ZNF790: variants seen among roughly 807,000 people sequenced by gnomAD.
ZNF790 encodes zinc finger protein 790.
A neutral mutation model predicts 12.1 loss-of-function variants in ZNF790; 8 were observed. The observed-to-expected ratio is 0.66, with a 90% confidence interval of 0.39 to 1.19. The LOEUF is 1.19. ZNF790 is among the 50% of genes most tolerant of loss of function. The pLI, the probability that ZNF790 is intolerant of heterozygous loss-of-function variation, is 0.01. For missense variants in ZNF790, 707 were observed against 752.2 expected, an observed-to-expected ratio of 0.94 and a Z score of 0.70; for synonymous variants, 252 against 244.3, an observed-to-expected ratio of 1.03 and a Z score of -0.29.
chr19:36,819,940 TC>T lies in ZNF790; in HGVS notation c.403del (p.Glu135ArgfsTer7). On this transcript the variant is annotated frameshift_variant, in exon 5 of 5. Coordinates refer to ENST00000356725, the MANE Select transcript of ZNF790 (RefSeq NM_206894.4). LOFTEE classifies it low-confidence loss of function (END_TRUNC). ...GCGTATCACCTGCTTGAAGCATTCC[TC>T]TTGATTATCTTGAAGTGTTTGAAAC... is the stretch of plus-strand genomic sequence containing the variant. ...TQFQTLQDNQ[E>X]ECFKQVIRTC... The T allele has an allele frequency of 6.2e-7, 1 of 1,614,174 alleles. No individual in the cohort carries two copies. Among genetic ancestry groups the T allele is most frequent in the South Asian group, 1.1e-5 (1 of 91,088 alleles).
At chr19:36,829,059 C>A (rs1026719923) in intron 1 of ZNF790, among the ~76,000 whole-genome samples, 2 of 151,758 alleles carry the variant, frequency 1.3e-5, no homozygotes, top group Non-Finnish European at 2.9e-5. Context: ...AAAAGGAGGC[C>A]CGAAGATGTC....
At chr19:36,847,128 G>A (rs897523065) in intron 1 of ZNF790, among the ~76,000 whole-genome samples, 8 of 152,152 alleles carry the variant, frequency 5.3e-5, no homozygotes, top group African/African-American at 1.9e-4. Context: ...GGCCAAGGCA[G>A]GCAGATCATG....
chr19:36,834,348 A>T (rs1438040627), intron 1 of ZNF790, among the ~76,000 whole-genome samples: 1 of 152,130 alleles, frequency 6.6e-6, no homozygotes, highest in South Asian at 2.1e-4. Flanking sequence ...CATTCAGATT[A>T]TACAAAGAAC....
chr19:36,820,547 C>T (rs1265125923), intron 4 of ZNF790, among the ~76,000 whole-genome samples: 1 of 152,068 alleles, frequency 6.6e-6, no homozygotes, highest in African/African-American at 2.4e-5. Flanking sequence ...ACTAGGATCT[C>T]AATAGCAGGG....
intron 1 of ZNF790, among the ~76,000 whole-genome samples, chr19:36,848,824 C>T (rs1207476398): frequency 2.0e-5 from 3 of 152,024 alleles, no homozygotes; most frequent in African/African-American, 4.8e-5. Flanking sequence ...GACGGAGTCT[C>T]ACTCTGTCAT....
At position 36,838,174 on chromosome 19, in the gene ZNF790, A is replaced by C. The variant is rs1183309293; in HGVS notation, c.-74+163T>G. On this transcript the variant is annotated intron_variant, in intron 1 of 4. Transcript: ENST00000356725. This position sits in a 1 kb window ranked among gnomAD's most constrained non-coding sequence, Gnocchi z 4.4. ...CTCCCGTCGCGGCCCCAGCTCCTGC[A>C]TCAATTTCACTCTCGCATCCACTGC... 6.6e-6 allele frequency: 1 copy of C among 152,662 alleles called. No individual in the cohort carries two copies. The highest frequency in any genetic ancestry group is 1.5e-5 in the Non-Finnish European group (1 of 68,832). 9.5% of individuals were successfully genotyped at this position (152,662 alleles called of 1,614,324 possible).
At chr19:36,828,662 G>A (rs765032007) in intron 1 of ZNF790, among the ~76,000 whole-genome samples, 5 of 151,948 alleles carry the variant, frequency 3.3e-5, no homozygotes, top group Admixed American at 1.3e-4. Flanking sequence ...TATTTTTGTC[G>A]AGACGGGGTC....
chr19:36,837,227 T>C (rs553341975), intron 1 of ZNF790, among the ~76,000 whole-genome samples: 144 of 152,374 alleles, frequency 9.5e-4, no homozygotes, highest in African/African-American at 3.3e-3. Flanking sequence ...TTTTCCTGTA[T>C]GCCTTCATAA....
chr19:36,836,452 TA>T (rs542029807), intron 1 of ZNF790, among the ~76,000 whole-genome samples: 9 of 146,380 alleles, frequency 6.1e-5, no homozygotes, highest in Admixed American at 1.4e-4. Context: ...AAGACAAGCC[TA>T]AAAAAAAAAC....
intron 1 of ZNF790, among the ~76,000 whole-genome samples, chr19:36,828,771 G>C (rs2071886364): frequency 6.6e-6 from 1 of 152,166 alleles, no homozygotes. Context: ...AGGCCACCAT[G>C]TCCAGCCAAA....
intron 1 of ZNF790, among the ~76,000 whole-genome samples, chr19:36,849,342 T>TA (rs1387256189): frequency 2.0e-5 from 3 of 152,176 alleles, no homozygotes; most frequent in Admixed American, 2.0e-4. Flanking sequence ...GTTTCTAGCT[T>TA]AAAAAATTAT....
At chr19:36,838,927 G>A (rs1318116067), upstream of ZNF790, among the ~76,000 whole-genome samples, 1 of 152,190 alleles carries the variant, frequency 6.6e-6, no homozygotes, top group Non-Finnish European at 1.5e-5. This position sits in a 1 kb window ranked among gnomAD's most constrained non-coding sequence, Gnocchi z 4.4. Context: ...TGTCCCACAA[G>A]TACCAGCCTG....
rs146341811 is a variant in ZNF790 at position 36,831,270 on chromosome 19, A to T, written c.-73-5578T>A. 6.5e-4 allele frequency among the ~76,000 whole-genome samples: 98 copies of T among 151,764 alleles called. 2 individuals are homozygous for T. Among genetic ancestry groups the T allele is most frequent in the Admixed American group, 3.9e-3 (59 of 15,210 alleles). On this transcript the variant is annotated intron_variant, in intron 1 of 4. Coordinates refer to ENST00000356725, the MANE Select transcript of ZNF790 (RefSeq NM_206894.4). ...ATCACCCAACATTTCAGTCTGAATT[A>T]AAAAAAAAGTATGATGCAATTGCAG...
chr19:36,833,502 T>C (rs1469783613), intron 1 of ZNF790, among the ~76,000 whole-genome samples: 1 of 151,372 alleles, frequency 6.6e-6, no homozygotes, highest in Non-Finnish European at 1.5e-5. Context: ...ACAAATGAAA[T>C]AATTTATCAC....
chr19:36,825,504 ACACT>A (rs1431125565), intron 2 of ZNF790, 103 bp downstream of exon 2: 2 of 1,159,168 alleles, frequency 1.7e-6, no homozygotes, highest in Non-Finnish European at 2.6e-6. Context: ...ATTACTTATG[ACACT>A]CAATAGTGAT....
chr19:36,849,712 C>A (rs2072223781), intron 1 of ZNF790, among the ~76,000 whole-genome samples: 1 of 151,926 alleles, frequency 6.6e-6, no homozygotes, highest in Non-Finnish European at 1.5e-5. Flanking sequence ...GGTTCAGATT[C>A]CTCCACAGTC....
intron 4 of ZNF790, among the ~76,000 whole-genome samples, chr19:36,821,223 A>G (rs980318407): frequency 6.6e-6 from 1 of 152,090 alleles, no homozygotes; most frequent in South Asian, 2.1e-4. Flanking sequence ...GACAGCAAGT[A>G]CTCTAGCAGT....
At chr19:36,836,194 A>G (rs1337731308) in intron 1 of ZNF790, among the ~76,000 whole-genome samples, 1 of 152,110 alleles carries the variant, frequency 6.6e-6, no homozygotes, top group East Asian at 1.9e-4. Context: ...GAAACAGGAT[A>G]TACTAGGCCC....
rs1271935360 is a variant in ZNF790, at chr19:36,819,397, C to CTACATTCAT, written c.938_946dup (p.Asn313_Cys315dup). 1 of 1,612,700 alleles carries CTACATTCAT rather than the reference C, an allele frequency of 6.2e-7. No homozygotes were observed. The highest frequency in any genetic ancestry group is 1.3e-5 in the African/African-American group (1 of 74,842). On this transcript the variant is annotated inframe_insertion, in exon 5 of 5. Coordinates refer to ENST00000356725, the MANE Select transcript of ZNF790 (RefSeq NM_206894.4). ...ATGTGATCGCTGACTAAAGGCCTTT[C>CTACATTCAT]TACATTCATTACATTCATAGGGTTT... is the stretch of plus-strand genomic sequence containing the variant.
Sources: gnomAD v4.1 joint callset for allele counts (sites outside exome capture counted in the v4.1 genomes callset) on GRCh38, gnomAD v4.1.1 for gene constraint, Gnocchi (gnomAD v3.1) non-coding constraint, MANE v1.5 for transcripts, NCBI Gene and HGNC (gene_info 2026-07-23, HGNC 2026-07-21) for gene names.